The following CLSTN2 variants were observed in gnomAD, a reference collection of about 807,000 sequenced individuals.
CLSTN2 encodes the protein calsyntenin 2, also known as calsyntenin-2.
CLSTN2 carries 48 observed loss-of-function variants against 101.2 expected under a neutral mutation model. That is an observed-to-expected ratio of 0.47 (90% CI 0.38 to 0.60). CLSTN2 has a LOEUF of 0.60. Among genes scored for constraint, CLSTN2 ranks in the 20% least tolerant of loss-of-function variants. CLSTN2 has a pLI of 0.00. For synonymous variants in CLSTN2, 481 were observed against 463.6 expected (o/e 1.04, Z -0.48); for missense variants, 1,160 against 1,238.2 (o/e 0.94, Z 0.95).
At chr3:140,363,368 G>A (rs79938504) in intron 2 of CLSTN2, among the ~76,000 whole-genome samples, 1 of 152,026 alleles carries the variant, frequency 6.6e-6, no homozygotes, top group East Asian at 1.9e-4. Flanking sequence ...TAGGCACAAG[G>A]GATCTTTTGC....
intron 1 of CLSTN2, among the ~76,000 whole-genome samples, chr3:140,096,674 T>A (rs939162676): frequency 6.6e-6 from 1 of 152,194 alleles, no homozygotes; most frequent in African/African-American, 2.4e-5. Flanking sequence ...AAAGCCTCTT[T>A]TGAAAATGCC....
At chr3:140,090,080 A>G (rs1197874639) in intron 1 of CLSTN2, among the ~76,000 whole-genome samples, 1 of 125,760 alleles carries the variant, frequency 8.0e-6, no homozygotes. Context: ...GGAGAAATTT[A>G]TGGTGGAGCT....
intron 2 of CLSTN2, among the ~76,000 whole-genome samples, chr3:140,293,141 G>T (rs1356391332): frequency 6.6e-6 from 1 of 152,198 alleles, no homozygotes; most frequent in Non-Finnish European, 1.5e-5. Flanking sequence ...GAATCTTCAG[G>T]GTGATCAAAT....
At chr3:139,979,568 G>A (rs911138848) in intron 1 of CLSTN2, among the ~76,000 whole-genome samples, 2 of 152,118 alleles carry the variant, frequency 1.3e-5, no homozygotes, top group African/African-American at 4.8e-5. Flanking sequence ...ATTAAGTCCA[G>A]GTTCCTATAG....
At chr3:140,283,131 A>T (rs1389873310) in intron 2 of CLSTN2, among the ~76,000 whole-genome samples, 1 of 152,184 alleles carries the variant, frequency 6.6e-6, no homozygotes, top group East Asian at 1.9e-4. Flanking sequence ...CTTTTAAAAA[A>T]ATAATAGAAA....
chr3:140,246,707 C>T (rs2086520924), intron 2 of CLSTN2, among the ~76,000 whole-genome samples: 1 of 152,086 alleles, frequency 6.6e-6, no homozygotes, highest in East Asian at 1.9e-4. Flanking sequence ...AGTCTAAGGG[C>T]TGGGAAGAGA....
intron 4 of CLSTN2, among the ~76,000 whole-genome samples, chr3:140,406,410 G>GAA (rs2088302370): frequency 6.6e-6 from 1 of 152,108 alleles, no homozygotes; most frequent in Admixed American, 6.5e-5. Context: ...AAAACATGGG[G>GAA]AAAAGACAAT....
chr3:140,408,520 C>A (rs547521833), intron 4 of CLSTN2, among the ~76,000 whole-genome samples: 5 of 152,284 alleles, frequency 3.3e-5, no homozygotes, highest in African/African-American at 1.2e-4. Flanking sequence ...TGCCAAGGAG[C>A]CTACAGTGTT....
chr3:140,185,526 G>A (rs2010473544), intron 2 of CLSTN2, among the ~76,000 whole-genome samples: 1 of 152,106 alleles, frequency 6.6e-6, no homozygotes, highest in African/African-American at 2.4e-5. Flanking sequence ...CAAATTTCAA[G>A]CCCCATGACC....
Position 140,427,182 on chromosome 3 carries a change from AAAAT to A in CLSTN2, c.787+5910_787+5913del, listed in dbSNP as rs1255055777. On this transcript the variant is annotated intron_variant, in intron 5 of 16. Coordinates refer to ENST00000458420, the MANE Select transcript of CLSTN2 (RefSeq NM_022131.3). The stretch of plus-strand genomic sequence containing the variant: ...CAGAGTGAGACTGTCTCAAAAAAAA[AAAAT>A]ATATATATATATATATATGTGTATA... 8.6e-3 allele frequency among the ~76,000 whole-genome samples: 685 copies of A among 79,540 alleles called. 13 individuals are homozygous for A. The highest frequency in any genetic ancestry group is 0.065 in the African/African-American group (650 of 10,070). The allele number at this position is 79,540 out of a possible 152,430, so 52.2% of individuals were successfully genotyped here.
At chr3:140,127,350 C>G (rs2107802374) in intron 1 of CLSTN2, among the ~76,000 whole-genome samples, 1 of 152,254 alleles carries the variant, frequency 6.6e-6, no homozygotes, top group East Asian at 1.9e-4. Flanking sequence ...TGAGGCTTAG[C>G]TGATAAATAA....
At chr3:139,963,401 C>A (rs528436000) in intron 1 of CLSTN2, among the ~76,000 whole-genome samples, 3 of 152,100 alleles carry the variant, frequency 2.0e-5, no homozygotes, top group Non-Finnish European at 4.4e-5. Context: ...ACATTACCTC[C>A]TTTTCCTCCT....
At chr3:140,326,900 A>G (rs2087336754) in intron 2 of CLSTN2, among the ~76,000 whole-genome samples, 2 of 152,202 alleles carry the variant, frequency 1.3e-5, no homozygotes, top group Admixed American at 6.5e-5. Flanking sequence ...GACTTTTTGG[A>G]TGTGAAATAT....
intron 5 of CLSTN2, among the ~76,000 whole-genome samples, chr3:140,442,288 C>T (rs908309441): frequency 3.9e-5 from 6 of 152,272 alleles, no homozygotes; most frequent in Non-Finnish European, 8.8e-5. Flanking sequence ...ACACCATTCA[C>T]CTGCCCTAAT....
At position 140,575,606 on chromosome 3, in the gene CLSTN2, A is replaced by G. The variant is rs1985708261; in HGVS notation, c.*9353A>G. 1 of 152,240 alleles carries G rather than the reference A, an allele frequency of 6.6e-6. No individual in the cohort carries two copies. The highest frequency in any genetic ancestry group is 2.1e-4 in the South Asian group (1 of 4,828). The allele number at this position is 152,240 out of a possible 1,614,324, so 9.4% of individuals were successfully genotyped here. ...AAGAAAACCAGTTGGTGAGTATAGA[A>G]AAGAAATTGCATGTAGAAGTTGTTT... On this transcript the variant is annotated 3_prime_UTR_variant, in exon 17 of 17. Transcript: ENST00000458420.
intron 8 of CLSTN2, among the ~76,000 whole-genome samples, chr3:140,523,598 T>C (rs1298154884): frequency 6.6e-6 from 1 of 152,222 alleles, no homozygotes; most frequent in Non-Finnish European, 1.5e-5. Flanking sequence ...CTTAGCTCAA[T>C]TCACACAACA....
At chr3:140,241,834 T>C (rs893738750) in intron 2 of CLSTN2, among the ~76,000 whole-genome samples, 5 of 146,438 alleles carry the variant, frequency 3.4e-5, no homozygotes, top group African/African-American at 5.1e-5. Context: ...TACACACACA[T>C]ATATATATAC....
intron 1 of CLSTN2, among the ~76,000 whole-genome samples, chr3:140,046,518 A>G (rs1321028432): frequency 1.3e-5 from 2 of 152,228 alleles, no homozygotes; most frequent in East Asian, 1.9e-4. Context: ...TTTACATTTA[A>G]GGTTAATATT....
At chr3:140,395,176 T>C (rs998012721) in intron 2 of CLSTN2, among the ~76,000 whole-genome samples, 3 of 152,190 alleles carry the variant, frequency 2.0e-5, no homozygotes, top group Non-Finnish European at 4.4e-5. Flanking sequence ...AAATGACTTT[T>C]AAAATAAAAT....
Sources: allele counts gnomAD v4.1 joint callset (sites outside exome capture counted in the v4.1 genomes callset), GRCh38; gene constraint gnomAD v4.1.1; transcripts MANE v1.5; gene names NCBI Gene and HGNC (gene_info 2026-07-23, HGNC 2026-07-21).